Variants in PTPRZ1 observed in about 807,000 individuals in gnomAD.
The protein encoded by PTPRZ1 is protein tyrosine phosphatase receptor type Z1, also known as receptor-type tyrosine-protein phosphatase zeta.
PTPRZ1 carries 82 observed loss-of-function variants against 214.1 expected under a neutral mutation model. That is an observed-to-expected ratio of 0.38 (90% confidence interval 0.32 to 0.46). The LOEUF is 0.46. Ranked by LOEUF, PTPRZ1 falls within the 20% of genes least tolerant of loss-of-function variation. The pLI, the probability that PTPRZ1 is intolerant of heterozygous loss-of-function variation, is 1.00. For missense variants in PTPRZ1, 2,603 were observed against 2,748.7 expected, an observed-to-expected ratio of 0.95 and a Z score of 1.19; for synonymous variants, 945 against 987.9, an observed-to-expected ratio of 0.96 and a Z score of 0.81.
At chr7:121,996,027 T>G (rs139600349) in intron 8 of PTPRZ1, among the ~76,000 whole-genome samples, 5 of 152,264 alleles carry the variant, frequency 3.3e-5, no homozygotes, top group African/African-American at 7.2e-5. Context: ...TCAAGATTCA[T>G]TCAGGAAAAA....
At chr7:121,951,377 G>A (rs1796536646) in intron 2 of PTPRZ1, among the ~76,000 whole-genome samples, 1 of 152,078 alleles carries the variant, frequency 6.6e-6, no homozygotes, top group Non-Finnish European at 1.5e-5. Context: ...TTTATTTTGA[G>A]TAGTGAAAAA....
At chr7:121,960,695 A>C (rs914553652) in intron 2 of PTPRZ1, among the ~76,000 whole-genome samples, 1 of 152,184 alleles carries the variant, frequency 6.6e-6, no homozygotes. Flanking sequence ...CTTTTATTTC[A>C]TCTGCATAAT....
intron 1 of PTPRZ1, among the ~76,000 whole-genome samples, chr7:121,884,794 C>T (rs1794349279): frequency 1.3e-5 from 2 of 152,192 alleles, no homozygotes; most frequent in Admixed American, 6.5e-5. Context: ...AAATGCTAGA[C>T]TATTTGGATG....
At chr7:121,945,971 G>T (rs537135253) in intron 2 of PTPRZ1, among the ~76,000 whole-genome samples, 2 of 152,238 alleles carry the variant, frequency 1.3e-5, no homozygotes, top group Non-Finnish European at 2.9e-5. Flanking sequence ...GAATTCAGTA[G>T]GCACCATTCC....
chr7:122,011,712 C>A lies in PTPRZ1; in HGVS notation c.2666C>A (p.Thr889Lys). Residue 889 changes from threonine to lysine, a missense_variant, in exon 12 of 30, where the codon ACG becomes AAG. Thr to Lys is a moderately conservative substitution (Grantham distance 78). Coordinates refer to ENST00000393386, the MANE Select transcript of PTPRZ1 (RefSeq NM_002851.3). ...VLSTTHAASE[T>K]LEFGSESGVL... ...TCCACTACTCATGCTGCTTCAGAGA[C>A]GCTGGAATTTGGTAGTGAATCTGGT... 1 of 1,614,096 alleles carries A rather than the reference C, an allele frequency of 6.2e-7. No individual in the cohort carries two copies.
In PTPRZ1 at chr7:122,052,000, T is replaced by A. The variant is rs1357639502; in HGVS notation, c.6252+61T>A. 2.2e-6 allele frequency: 3 copies of A among 1,386,582 alleles called. No individual in the cohort carries two copies. The African/African-American group carries it at 4.5e-5, about 21-fold the overall frequency. 85.9% of individuals were successfully genotyped at this position (1,386,582 alleles called of 1,614,324 possible). ...TGTGTTACAGGGATCAAAACCAGAA[T>A]GGGCTGCCAGAAGCAAAGACTACAG... is the stretch of plus-strand genomic sequence containing the variant. On this transcript the variant is annotated intron_variant, in intron 25 of 29. Coordinates refer to ENST00000393386, the MANE Select transcript of PTPRZ1 (RefSeq NM_002851.3).
At chr7:121,939,866 A>G (rs940117860) in intron 2 of PTPRZ1, among the ~76,000 whole-genome samples, 1 of 152,174 alleles carries the variant, frequency 6.6e-6, no homozygotes, top group African/African-American at 2.4e-5. Flanking sequence ...AATGTAAGGT[A>G]CGGAACCCTA....
chr7:121,897,995 G>T (rs986755361), intron 1 of PTPRZ1, among the ~76,000 whole-genome samples: 3 of 152,080 alleles, frequency 2.0e-5, no homozygotes, highest in Admixed American at 6.6e-5. Context: ...AAGGAAAAAA[G>T]AACTTTGCCC....
chr7:122,000,247 C>A (rs1422276543), intron 10 of PTPRZ1, among the ~76,000 whole-genome samples: 1 of 152,068 alleles, frequency 6.6e-6, no homozygotes, highest in African/African-American at 2.4e-5. Context: ...GCTGCAATGG[C>A]ATTTTTATCC....
At chr7:121,884,161 T>A (rs1023273104) in intron 1 of PTPRZ1, among the ~76,000 whole-genome samples, 5 of 152,288 alleles carry the variant, frequency 3.3e-5, no homozygotes, top group African/African-American at 1.2e-4. Flanking sequence ...AAAGTATGAC[T>A]GAATCGATTT....
chr7:122,040,800 G>A lies in PTPRZ1; in HGVS notation c.5638-16G>A, dbSNP rs754929739. On this transcript the variant is annotated splice_polypyrimidine_tract_variant and intron_variant, in intron 20 of 29. Transcript: ENST00000393386. ...TGTGTGTGTTTGACTGTTATTAACT[G>A]TCTGAACTTTTCCAGGGCTCCCAGA... is the stretch of plus-strand genomic sequence containing the variant. The A allele has an allele frequency of 4.0e-6, 6 of 1,490,894 alleles. No individual in the cohort carries two copies. The highest frequency in any genetic ancestry group is 2.6e-5 in the South Asian group (2 of 77,506). The allele number at this position is 1,490,894 out of a possible 1,614,324, so 92.4% of individuals were successfully genotyped here. A position where few individuals can be genotyped will look rare whatever the true frequency, so the allele number is the denominator to read the frequency against.
chr7:122,039,959 G>A (rs956877876), intron 20 of PTPRZ1, among the ~76,000 whole-genome samples: 6 of 151,218 alleles, frequency 4.0e-5, no homozygotes. Context: ...TCCAGCCTGG[G>A]CAACAGAGTG....
rs150521080 is a variant in PTPRZ1, at chr7:121,889,752, C to T, written c.58+16195C>T. ...TAAAAAGGGTTCTGCTCCCACCATTCCAAAACAAAAAAAAATACCTTATCA... is the reference window on the plus strand; with the variant it reads ...TAAAAAGGGTTCTGCTCCCACCATTTCAAAACAAAAAAAAATACCTTATCA... On this transcript the variant is annotated intron_variant, in intron 1 of 29. Coordinates refer to ENST00000393386, the MANE Select transcript of PTPRZ1 (RefSeq NM_002851.3). Among the ~76,000 whole-genome samples the T allele has an allele frequency of 8.6e-5, 13 of 151,964 alleles. No homozygotes were observed. In the East Asian group the frequency reaches 2.5e-3, roughly 29 times the overall value.
chr7:122,011,942 C>T lies in PTPRZ1; in HGVS notation c.2896C>T (p.Pro966Ser), dbSNP rs141498162. 1 of 1,614,170 alleles carries T rather than the reference C, an allele frequency of 6.2e-7. No individual in the cohort carries two copies. The highest frequency in any genetic ancestry group is 1.1e-5 in the South Asian group (1 of 91,082). ...VTYQGSLFSG[P>S]SHIPIPKSSL... Reference sequence around the variant, plus strand: ...TTATCAGGGTTCCTTATTTAGCGGCCCTAGCCATATACCAATACCTAAGTC... The same window carrying T: ...TTATCAGGGTTCCTTATTTAGCGGCTCTAGCCATATACCAATACCTAAGTC... The change falls in exon 12 of 30, where the codon CCT (proline) becomes TCT (serine). Residue 966 changes from proline to serine, a missense_variant. Physicochemically the swap from Pro to Ser is moderately conservative, Grantham distance 74. Coordinates refer to ENST00000393386, the MANE Select transcript of PTPRZ1 (RefSeq NM_002851.3).
intron 13 of PTPRZ1, among the ~76,000 whole-genome samples, chr7:122,022,211 CT>C (rs1286903873): frequency 3.3e-4 from 50 of 152,198 alleles, no homozygotes; most frequent in African/African-American, 1.2e-3. Context: ...TAAAACTCAC[CT>C]TTTTAAAGTG....
At chr7:122,044,210 T>C (rs1799812708) in intron 22 of PTPRZ1, among the ~76,000 whole-genome samples, 1 of 152,164 alleles carries the variant, frequency 6.6e-6, no homozygotes, top group Admixed American at 6.6e-5. Flanking sequence ...ACATAATAAA[T>C]GAAGAGGTAA....
intron 29 of PTPRZ1, among the ~76,000 whole-genome samples, chr7:122,060,300 T>C (rs1449048250): frequency 6.6e-6 from 1 of 152,166 alleles, no homozygotes; most frequent in Non-Finnish European, 1.5e-5. Context: ...ATAAGTCTTA[T>C]TCGGGGCCGC....
At chr7:121,968,566 T>C (rs1797114754) in intron 3 of PTPRZ1, among the ~76,000 whole-genome samples, 1 of 151,830 alleles carries the variant, frequency 6.6e-6, no homozygotes, top group Non-Finnish European at 1.5e-5. Flanking sequence ...AGCTCTTCTA[T>C]ATAGAAGGTT....
chr7:122,053,623 A>C (rs1792256538), intron 25 of PTPRZ1, among the ~76,000 whole-genome samples: 1 of 152,156 alleles, frequency 6.6e-6, no homozygotes, highest in Non-Finnish European at 1.5e-5. Context: ...ACAATGCTTA[A>C]TTTCTAAAGC....
Sources: gnomAD v4.1 joint callset for allele counts (sites outside exome capture counted in the v4.1 genomes callset) on GRCh38, gnomAD v4.1.1 for gene constraint, MANE v1.5 for transcripts, NCBI Gene and HGNC (gene_info 2026-07-23, HGNC 2026-07-21) for gene names.